The following SMOC2 variants were observed in gnomAD, a reference collection of about 807,000 sequenced individuals.
SMOC2 encodes the protein SPARC-related modular calcium-binding protein 2.
SMOC2 carries 39 observed loss-of-function variants against 61.4 expected under a neutral mutation model. The ratio of observed to expected loss-of-function variants is 0.64; its 90% CI spans 0.49 to 0.83. The LOEUF (loss-of-function observed/expected upper bound fraction) is 0.83. Among genes scored for constraint, SMOC2 ranks in the 40% least tolerant of loss-of-function variants. The pLI, the probability that SMOC2 is intolerant of heterozygous loss-of-function variation, is 0.00. For synonymous variants in SMOC2, 247 were observed against 239.9 expected (o/e 1.03, Z -0.27); for missense variants, 556 against 592.9 (o/e 0.94, Z 0.65).
At chr6:168,457,984 G>T (rs1459215381) in intron 1 of SMOC2, among the ~76,000 whole-genome samples, 1 of 152,124 alleles carries the variant, frequency 6.6e-6, no homozygotes, top group Non-Finnish European at 1.5e-5. Context: ...CACAAAGATT[G>T]GTCCTGAAGA....
At chr6:168,466,371 G>T (rs577187127) in intron 1 of SMOC2, among the ~76,000 whole-genome samples, 3 of 152,328 alleles carry the variant, frequency 2.0e-5, no homozygotes, top group Admixed American at 2.0e-4. Flanking sequence ...TGGAACTGGG[G>T]TGCTCTGGAT....
intron 7 of SMOC2, among the ~76,000 whole-genome samples, chr6:168,567,418 A>G (rs967492556): frequency 2.0e-5 from 3 of 152,192 alleles, no homozygotes; most frequent in African/African-American, 7.2e-5. Flanking sequence ...GTTGAAGCAG[A>G]TGTTTGTTGA....
Position 168,526,379 on chromosome 6 carries a change from C to T in SMOC2, c.290C>T (p.Thr97Ile). 6.2e-7 allele frequency: 1 copy of T among 1,614,218 alleles called. No homozygotes were observed. Among genetic ancestry groups the T allele is most frequent in the Non-Finnish European group, 8.5e-7 (1 of 1,180,046 alleles). Residue 97 changes from threonine to isoleucine, a missense_variant, in exon 3 of 13, where the codon ACC becomes ATC. Transcript: ENST00000356284. ...VSRCVAERKY[T>I]QEQARKEFQQ... is the part of the protein sequence containing the mutation. ...AGGTGTGTGGCCGAAAGGAAGTATA[C>T]CCAGGAGCAAGCCCGGAAGGAGTTT...
chr6:168,639,012 G>A (rs1419993205), intron 9 of SMOC2, among the ~76,000 whole-genome samples: 1 of 152,088 alleles, frequency 6.6e-6, no homozygotes, highest in Admixed American at 6.5e-5. Flanking sequence ...ACCTGGCTTC[G>A]TTACAAATCT....
At chr6:168,626,005 A>G (rs1786400082) in intron 9 of SMOC2, among the ~76,000 whole-genome samples, 1 of 152,204 alleles carries the variant, frequency 6.6e-6, no homozygotes, top group East Asian at 1.9e-4. Flanking sequence ...GAGCAAGGCA[A>G]TGGTTAAGAC....
rs185708004 is a variant in SMOC2 at position 168,508,210 on chromosome 6, A to G, written c.85-1705A>G. Among the ~76,000 whole-genome samples the G allele has an allele frequency of 2.5e-4, 38 of 152,340 alleles. No individual in the cohort carries two copies. In the East Asian group the frequency reaches 6.7e-3, roughly 27 times the overall value. ...TTGGCGTGAAGATTTTAAAAAATGT[A>G]TGAGTAACATTGGGCAAATTATTTA... On this transcript the variant is annotated intron_variant, in intron 1 of 12. Coordinates refer to ENST00000356284, the MANE Select transcript of SMOC2 (RefSeq NM_001166412.2).
chr6:168,608,338 A>AG (rs879679971), intron 9 of SMOC2, 99 bp downstream of exon 9: 1 of 1,345,562 alleles, frequency 7.4e-7, no homozygotes, highest in Non-Finnish European at 1.0e-6. Flanking sequence ...TCTGTTTCCC[A>AG]GGGGGCCTGT....
chr6:168,523,916 T>C (rs1562569548), intron 2 of SMOC2, among the ~76,000 whole-genome samples: 1 of 152,182 alleles, frequency 6.6e-6, no homozygotes, highest in Non-Finnish European at 1.5e-5. Context: ...GGGACAGTGT[T>C]GAAGCATCCT....
chr6:168,533,031 A>C (rs1431152465), intron 4 of SMOC2, among the ~76,000 whole-genome samples: 1 of 144,904 alleles, frequency 6.9e-6, no homozygotes, highest in Non-Finnish European at 1.5e-5. Flanking sequence ...TAATTACTAA[A>C]GTCTGTGTGA....
At chr6:168,501,528 A>G (rs1782729197) in intron 1 of SMOC2, among the ~76,000 whole-genome samples, 2 of 152,172 alleles carry the variant, frequency 1.3e-5, no homozygotes, top group Non-Finnish European at 2.9e-5. Flanking sequence ...CTATGGGGCC[A>G]GGAACCTGAA....
intron 1 of SMOC2, among the ~76,000 whole-genome samples, chr6:168,461,520 A>G (rs549347979): frequency 1.3e-5 from 2 of 152,330 alleles, no homozygotes; most frequent in South Asian, 4.1e-4. Context: ...AGTTGAACCA[A>G]ACTAAGGTTT....
rs185894944 is a variant in SMOC2 at position 168,553,031 on chromosome 6, T to G, written c.637+3828T>G. On this transcript the variant is annotated intron_variant, in intron 7 of 12. Transcript: ENST00000356284. The surrounding 1 kb of genome is among the most constrained non-coding windows in gnomAD (Gnocchi z 4.2). ...ACGGGCCCTACTGTAGCATCATTAC[T>G]CTTTTTAAAACAAGCTGAATGAAAC... 6.6e-6 allele frequency among the ~76,000 whole-genome samples: 1 copy of G among 152,186 alleles called. No individual in the cohort carries two copies. The highest frequency in any genetic ancestry group is 1.5e-5 in the Non-Finnish European group (1 of 68,038).
intron 1 of SMOC2, among the ~76,000 whole-genome samples, chr6:168,498,011 G>A (rs556400788): frequency 1.6e-4 from 24 of 152,264 alleles, no homozygotes; most frequent in African/African-American, 4.1e-4. Context: ...CTGCACAGCC[G>A]CTGCCCATAC....
chr6:168,629,090 G>A (rs1472934993), intron 9 of SMOC2, among the ~76,000 whole-genome samples: 3 of 152,154 alleles, frequency 2.0e-5, no homozygotes, highest in East Asian at 1.9e-4. Flanking sequence ...TTGCTGCCTC[G>A]AGCTCCGAGA....
chr6:168,458,540 G>A (rs1368822395), intron 1 of SMOC2, among the ~76,000 whole-genome samples: 1 of 152,198 alleles, frequency 6.6e-6, no homozygotes, highest in Non-Finnish European at 1.5e-5. Context: ...AGTATTTTGA[G>A]TTGTGTGTGA....
intron 1 of SMOC2, among the ~76,000 whole-genome samples, chr6:168,489,365 C>T (rs1194485385): frequency 6.6e-6 from 1 of 151,748 alleles, no homozygotes; most frequent in Non-Finnish European, 1.5e-5. Context: ...ATCAAATCAT[C>T]TGGGTCCCCT....
chr6:168,482,599 A>G (rs1782232247), intron 1 of SMOC2, among the ~76,000 whole-genome samples: 1 of 152,090 alleles, frequency 6.6e-6, no homozygotes, highest in South Asian at 2.1e-4. Flanking sequence ...AAGACACTCT[A>G]AGAAAAGGCA....
intron 6 of SMOC2, 147 bp downstream of exon 6, chr6:168,547,316 TCTTA>T (rs1186559877): frequency 1.5e-6 from 1 of 657,446 alleles, no homozygotes; most frequent in Non-Finnish European, 2.6e-6. Flanking sequence ...GACCACGTGA[TCTTA>T]CTTATATGTG....
rs552249349 is a variant in SMOC2 at position 168,620,983 on chromosome 6, A to G, written c.907+12744A>G. On this transcript the variant is annotated intron_variant, in intron 9 of 12. Transcript: ENST00000356284. ...CCCTGGATGACCAACCAAGGTCGAA[A>G]ACTTCTCAAAACCTGGCTTGTGATG... Among the ~76,000 whole-genome samples the G allele has an allele frequency of 4.7e-5, 7 of 149,858 alleles. No homozygotes were observed. In the South Asian group the frequency reaches 1.5e-3, roughly 31 times the overall value.
Sources: gnomAD v4.1 joint callset for allele counts (sites outside exome capture counted in the v4.1 genomes callset) on GRCh38, gnomAD v4.1.1 for gene constraint, Gnocchi (gnomAD v3.1) non-coding constraint, MANE v1.5 for transcripts, NCBI Gene and HGNC (gene_info 2026-07-23, HGNC 2026-07-21) for gene names.